Variants in SPATA1 observed in about 807,000 individuals in gnomAD.
The protein encoded by SPATA1 is spermatogenesis associated 1, also known as spermatogenesis-associated protein 1.
A neutral mutation model predicts 59.6 loss-of-function variants in SPATA1; 57 were observed. The ratio of observed to expected loss-of-function variants is 0.96; its 90% CI spans 0.77 to 1.19. SPATA1 has a LOEUF of 1.19. Ranked by LOEUF, SPATA1 falls within the 50% of genes most tolerant of loss-of-function variation. SPATA1 has a pLI of 0.00. For synonymous variants in SPATA1, 147 were observed against 163.9 expected (o/e 0.90, Z 0.79); for missense variants, 448 against 480.7 (o/e 0.93, Z 0.64).
rs554109149 is a variant in SPATA1, at chr1:84,507,738, C to G, written c.-138+1320C>G. Among the ~76,000 whole-genome samples the G allele has an allele frequency of 6.7e-4, 102 of 152,034 alleles. 4 individuals are homozygous for G. Among genetic ancestry groups the G allele is most frequent in the African/African-American group, 2.2e-3 (93 of 41,440 alleles). Reference sequence around the variant, plus strand: ...TAGTTGTAAAATATATCACTGAACTCTTAGAACCGTGGTATGTTAATGCTG... The same window carrying G: ...TAGTTGTAAAATATATCACTGAACTGTTAGAACCGTGGTATGTTAATGCTG... On this transcript the variant is annotated intron_variant, in intron 1 of 12. Coordinates refer to ENST00000490879, the Ensembl canonical transcript of SPATA1.
Position 84,548,750 on chromosome 1 carries a change from CTTTTTTTTTTTTTTTTTTTT to C in SPATA1, c.947-24_947-5del. On this transcript the variant is annotated splice_polypyrimidine_tract_variant and intron_variant, in intron 10 of 12. Coordinates refer to ENST00000490879, the Ensembl canonical transcript of SPATA1. ...TTTAATACTCAAACGAAGGCCTTTC[CTTTTTTTTTTTTTTTTTTTT>C]TTTTTTTTTTTATAGCCTACAATGG... The C allele has an allele frequency of 4.4e-6, 4 of 908,894 alleles. No individual in the cohort carries two copies. The highest frequency in any genetic ancestry group is 2.2e-5 in the South Asian group (1 of 45,116). The allele number at this position is 908,894 out of a possible 1,614,324, so 56.3% of individuals were successfully genotyped here. A position where few individuals can be genotyped will look rare whatever the true frequency, so the allele number is the denominator to read the frequency against.
downstream of SPATA1, among the ~76,000 whole-genome samples, chr1:84,555,453 G>A (rs1457144526): frequency 1.3e-5 from 2 of 152,104 alleles, no homozygotes; most frequent in African/African-American, 2.4e-5. Flanking sequence ...TAGACTTTAC[G>A]ATGGATTTAT....
exon 2 of SPATA1, chr1:84,516,381 C>A: frequency 1.3e-6 from 2 of 1,508,252 alleles, no homozygotes; most frequent in African/African-American, 2.9e-5. Context: ...TCCAAGTCGA[C>A]CTTCCTCATC....
intron 8 of SPATA1, among the ~76,000 whole-genome samples, chr1:84,536,750 A>G (rs1234148043): frequency 6.6e-6 from 1 of 151,996 alleles, no homozygotes; most frequent in Admixed American, 6.6e-5. Context: ...GGCCCACTTA[A>G]TTCTTTAACC....
At chr1:84,523,235 A>G (rs1683096148) in intron 4 of SPATA1, among the ~76,000 whole-genome samples, 1 of 152,012 alleles carries the variant, frequency 6.6e-6, no homozygotes, top group Non-Finnish European at 1.5e-5. Flanking sequence ...GAACACTCCT[A>G]TTTGTAGTTT....
At position 84,552,975 on chromosome 1, in the gene SPATA1, A is replaced by G. The variant is rs967641083; in HGVS notation, c.1225-60A>G. 8.9e-6 allele frequency: 10 copies of G among 1,122,746 alleles called. No homozygotes were observed. The African/African-American group carries it at 1.1e-4, about 13-fold the overall frequency. The allele number at this position is 1,122,746 out of a possible 1,614,324, so 69.5% of individuals were successfully genotyped here. ...CAAAAACCCTGTTTACATGACAACTATGATGTACTTTTAGAAGGGTATGAT... is the reference window on the plus strand; with the variant it reads ...CAAAAACCCTGTTTACATGACAACTGTGATGTACTTTTAGAAGGGTATGAT... On this transcript the variant is annotated intron_variant, in intron 12 of 12. Transcript: ENST00000490879.
chr1:84,537,668 A>ACAAT (rs1176284363), intron 8 of SPATA1, among the ~76,000 whole-genome samples: 2 of 152,168 alleles, frequency 1.3e-5, no homozygotes, highest in Non-Finnish European at 2.9e-5. Context: ...CCAGATGACT[A>ACAAT]CAATGGAGAA....
intron 10 of SPATA1, among the ~76,000 whole-genome samples, chr1:84,546,307 A>G (rs1684082630): frequency 6.6e-6 from 1 of 152,014 alleles, no homozygotes; most frequent in African/African-American, 2.4e-5. Flanking sequence ...TACAAAAATT[A>G]GCCTAGCCAG....
At chr1:84,516,351 T>A in exon 2 of SPATA1, 1 of 1,526,634 alleles carries the variant, frequency 6.6e-7, no homozygotes, top group Non-Finnish European at 8.7e-7. Context: ...CATTCAGACA[T>A]TAGTGAATAT....
chr1:84,536,874 CTTTT>C, intron 8 of SPATA1, among the ~76,000 whole-genome samples: 1 of 104,802 alleles, frequency 9.5e-6, no homozygotes, highest in African/African-American at 3.5e-5. Flanking sequence ...TTTGTTTTTT[CTTTT>C]TTCTTTTTTT....
chr1:84,523,888 T>C (rs574333032), intron 4 of SPATA1, among the ~76,000 whole-genome samples: 1 of 152,176 alleles, frequency 6.6e-6, no homozygotes, highest in East Asian at 1.9e-4. Context: ...ACTTTCTAAG[T>C]AATTTAGGTC....
Position 84,564,643 on chromosome 1 carries a change from C to A in SPATA1, n.443-1218C>A, listed in dbSNP as rs139237636. ...CCACCTCAGCCTCCCAAGGCTTGAA[C>A]CTTTTATTGATAGAACATAATTATA... On this transcript the variant is annotated intron_variant and non_coding_transcript_variant, in intron 4 of 4. Transcript: ENST00000460286. Among the ~76,000 whole-genome samples, 16 of 152,238 alleles carry A rather than the reference C, an allele frequency of 1.1e-4. No homozygotes were observed. The East Asian group carries it at 2.5e-3, about 24-fold the overall frequency.
At chr1:84,548,095 G>C (rs1026536219) in intron 10 of SPATA1, among the ~76,000 whole-genome samples, 7 of 152,148 alleles carry the variant, frequency 4.6e-5, no homozygotes, top group African/African-American at 1.4e-4. Context: ...TTGGATAATA[G>C]AGCATGAGAT....
intron 1 of SPATA1, among the ~76,000 whole-genome samples, chr1:84,511,718 G>T (rs1246157): frequency 0.021 from 1,520 of 71,250 alleles, 37 homozygotes; most frequent in African/African-American, 0.077. Context: ...TTTTGCTCTT[G>T]TTGCCCAGGC....
intron 8 of SPATA1, among the ~76,000 whole-genome samples, chr1:84,540,022 C>G (rs1683848364): frequency 6.6e-6 from 1 of 152,122 alleles, no homozygotes; most frequent in African/African-American, 2.4e-5. Context: ...TACTGCATGT[C>G]AAAATACTCT....
At chr1:84,524,083 AAGG>A (rs1570406731) in intron 4 of SPATA1, among the ~76,000 whole-genome samples, 1 of 151,702 alleles carries the variant, frequency 6.6e-6, no homozygotes, top group East Asian at 1.9e-4. Context: ...TTCAAAAGAA[AAGG>A]AGATTACTTC....
At chr1:84,557,265 G>A (rs1215178485), downstream of SPATA1, among the ~76,000 whole-genome samples, 1 of 152,186 alleles carries the variant, frequency 6.6e-6, no homozygotes, top group Non-Finnish European at 1.5e-5. Flanking sequence ...AGGCGCGATG[G>A]CTTACGCCTG....
At chr1:84,514,106 A>G (rs910560720) in intron 1 of SPATA1, among the ~76,000 whole-genome samples, 12 of 151,980 alleles carry the variant, frequency 7.9e-5, no homozygotes, top group African/African-American at 2.9e-4. Flanking sequence ...CGGCCTCCCA[A>G]AGTGCTGGGA....
chr1:84,533,100 T>TA, intron 7 of SPATA1, 126 bp downstream of exon 7: 1 of 608,334 alleles, frequency 1.6e-6, no homozygotes, highest in Non-Finnish European at 2.7e-6. Flanking sequence ...ATATTTTAAT[T>TA]AAAATTACCT....
Sources: gnomAD v4.1 joint callset for allele counts (sites outside exome capture counted in the v4.1 genomes callset) on GRCh38, gnomAD v4.1.1 for gene constraint, MANE v1.5 for transcripts, NCBI Gene and HGNC (gene_info 2026-07-23, HGNC 2026-07-21) for gene names.